Variants in ARHGEF11 observed in about 807,000 individuals in gnomAD.
ARHGEF11 encodes Rho guanine nucleotide exchange factor 11, also known as Rho guanine exchange factor (GEF) 11.
ARHGEF11 carries 55 observed loss-of-function variants against 193.7 expected under a neutral mutation model. The observed-to-expected ratio is 0.28, with a 90% CI of 0.23 to 0.36. The LOEUF is 0.36. ARHGEF11 is among the 10% of genes least tolerant of loss of function. The probability of loss-of-function intolerance (pLI) is 1.00; values close to 1 mark genes in which losing one functional copy is unlikely to be tolerated. For synonymous variants in ARHGEF11, 693 were observed against 768.0 expected (o/e 0.90, Z 1.62); for missense variants, 1,723 against 2,005.6 (o/e 0.86, Z 2.69).
At chr1:156,980,039 C>A (rs1408502235) in intron 4 of ARHGEF11, among the ~76,000 whole-genome samples, 2 of 152,264 alleles carry the variant, frequency 1.3e-5, no homozygotes, top group East Asian at 1.9e-4. Flanking sequence ...ACGACCAGGG[C>A]AGGTTATAGT....
intron 1 of ARHGEF11, among the ~76,000 whole-genome samples, chr1:157,028,976 GGTAAAAT>G (rs1670973670): frequency 6.6e-6 from 1 of 151,814 alleles, no homozygotes; most frequent in South Asian, 2.1e-4. Context: ...AGACCAGCTG[GGTAAAAT>G]GGTAAAACCC....
At position 156,936,981 on chromosome 1, in the gene ARHGEF11, G is replaced by T; in HGVS notation, c.4465C>A (p.Leu1489Met). 1.2e-6 allele frequency: 2 copies of T among 1,614,082 alleles called. No homozygotes were observed. Among genetic ancestry groups the T allele is most frequent in the Non-Finnish European group, 1.7e-6 (2 of 1,179,938 alleles). ...GACTCTCCCCCAAGGGACTTGAGCA[G>T]CTCTCTGTGGGCCAGCTCCATATCC... ...LKDMELAHRE[L>M]LKSLGGESSG... Residue 1489 changes from leucine to methionine, a missense_variant, in exon 40 of 41, where the codon CTG becomes ATG. Leu to Met is a conservative substitution (Grantham distance 15, BLOSUM62 2). Coordinates refer to ENST00000368194, the MANE Select transcript of ARHGEF11 (RefSeq NM_198236.3).
chr1:157,034,971 T>G (rs560223196), intron 1 of ARHGEF11, among the ~76,000 whole-genome samples: 24 of 152,132 alleles, frequency 1.6e-4, no homozygotes, highest in African/African-American at 5.8e-4. Flanking sequence ...CAGAGAACAC[T>G]GATATAAAGG....
Position 156,954,905 on chromosome 1 carries a change from C to A in ARHGEF11, c.1785G>T (p.Leu595Phe). 1.2e-6 allele frequency: 2 copies of A among 1,609,000 alleles called. No individual in the cohort carries two copies. Among genetic ancestry groups the A allele is most frequent in the Non-Finnish European group, 1.7e-6 (2 of 1,178,300 alleles). The change falls in exon 21 of 41, where the codon TTG becomes TTT. Residue 595 changes from leucine to phenylalanine, a missense_variant. Transcript: ENST00000368194. Reference sequence around the variant, plus strand: ...TGGTCCTTTTACCTTCCACAGGGGACAAGGGAATATGAAATGCTAAAAGAA... The same window carrying A: ...TGGTCCTTTTACCTTCCACAGGGGAAAAGGGAATATGAAATGCTAAAAGAA... ...SSSQSTFHIP[L>F]SPVEVKPGNV...
At chr1:156,950,418 C>T (rs1658900869) in intron 22 of ARHGEF11, among the ~76,000 whole-genome samples, 1 of 152,026 alleles carries the variant, frequency 6.6e-6, no homozygotes, top group African/African-American at 2.4e-5. Context: ...AGGAAGATTG[C>T]TGTGGTTGGG....
rs142192391 is a variant in ARHGEF11 at position 157,044,443 on chromosome 1, T to C, written c.-113A>G. 250 of 950,648 alleles carry C rather than the reference T, an allele frequency of 2.6e-4. 1 individual carries two copies. In the East Asian group the frequency reaches 4.0e-3, roughly 15 times the overall value. 58.9% of individuals were successfully genotyped at this position (950,648 alleles called of 1,614,324 possible). On this transcript the variant is annotated 5_prime_UTR_variant, in exon 1 of 41. Transcript: ENST00000368194. ...AGAGGAGGGCCTCCCAACTTGAAGATAGAATCCTTTCTCCTCCAGCTCTCA... is the reference window on the plus strand; with the variant it reads ...AGAGGAGGGCCTCCCAACTTGAAGACAGAATCCTTTCTCCTCCAGCTCTCA...
intron 40 of ARHGEF11, 80 bp downstream of exon 40, chr1:156,936,736 A>G: frequency 6.9e-7 from 1 of 1,458,090 alleles, no homozygotes; most frequent in Non-Finnish European, 9.3e-7. Flanking sequence ...ACCATCTCTC[A>G]CTGCTTAGTG....
chr1:156,976,839 T>A, intron 7 of ARHGEF11, 144 bp downstream of exon 7: 4 of 697,348 alleles, frequency 5.7e-6, no homozygotes, highest in Non-Finnish European at 7.3e-6. Context: ...TGACAATTCT[T>A]TAGTGGTCCG....
chr1:156,946,293 G>T, intron 28 of ARHGEF11, 131 bp from the exon 29 acceptor site: 1 of 724,088 alleles, frequency 1.4e-6, no homozygotes, highest in Non-Finnish European at 2.3e-6. Flanking sequence ...AGAAATGGCA[G>T]TGGAAGCTTC....
intron 1 of ARHGEF11, among the ~76,000 whole-genome samples, chr1:157,037,243 G>A (rs1039453322): frequency 2.0e-5 from 3 of 152,158 alleles, no homozygotes; most frequent in Non-Finnish European, 4.4e-5. Context: ...TAACCGTTCT[G>A]ATTCAGAAGC....
At chr1:157,034,346 T>G (rs956591453) in intron 1 of ARHGEF11, among the ~76,000 whole-genome samples, 1 of 152,032 alleles carries the variant, frequency 6.6e-6, no homozygotes, top group African/African-American at 2.4e-5. Flanking sequence ...AATGGCAGGG[T>G]AGGCCTTGTG....
intron 6 of ARHGEF11, 81 bp downstream of exon 6, chr1:156,978,123 G>A: frequency 6.4e-7 from 1 of 1,573,256 alleles, no homozygotes; most frequent in Non-Finnish European, 8.6e-7. Context: ...AGCCCCACTG[G>A]ATTTAACTTG....
At chr1:156,955,865 T>G in intron 19 of ARHGEF11, 66 bp from the exon 20 acceptor site, 1 of 1,221,808 alleles carries the variant, frequency 8.2e-7, no homozygotes, top group Non-Finnish European at 1.2e-6. Context: ...TGCTAATCAA[T>G]TCTGCCACTG....
Position 156,939,759 on chromosome 1 carries a change from T to C in ARHGEF11, c.3885A>G (p.Gln1295=), listed in dbSNP as rs1314145801. ...SHPWDPGSPG[Q]APPGGEGDNT... Reference sequence around the variant, plus strand: ...TGTCCCCTTCACCCCCAGGGGGTGCTTGCCCTGGGGAGCCTGGGTCCCAGG... The same window carrying C: ...TGTCCCCTTCACCCCCAGGGGGTGCCTGCCCTGGGGAGCCTGGGTCCCAGG... The change falls in exon 37 of 41, where the codon CAA becomes CAG. Residue 1295 remains glutamine, a synonymous_variant. Coordinates refer to ENST00000368194, the MANE Select transcript of ARHGEF11 (RefSeq NM_198236.3). 1 of 1,613,772 alleles carries C rather than the reference T, an allele frequency of 6.2e-7. No individual in the cohort carries two copies. The highest frequency in any genetic ancestry group is 8.5e-7 in the Non-Finnish European group (1 of 1,179,918).
intron 1 of ARHGEF11, among the ~76,000 whole-genome samples, chr1:157,026,244 T>C (rs563111709): frequency 4.6e-5 from 7 of 152,350 alleles, no homozygotes; most frequent in African/African-American, 1.7e-4. Context: ...TGGGAGATTC[T>C]TTTCTCTACC....
chr1:156,961,551 C>T, intron 14 of ARHGEF11, 126 bp downstream of exon 14: 2 of 772,138 alleles, frequency 2.6e-6, no homozygotes, highest in Non-Finnish European at 4.3e-6. Context: ...GAATATTAAT[C>T]TCTCAGCCTA....
At chr1:157,036,466 C>T (rs546812714) in intron 1 of ARHGEF11, among the ~76,000 whole-genome samples, 3 of 151,862 alleles carry the variant, frequency 2.0e-5, no homozygotes, top group Admixed American at 6.6e-5. Flanking sequence ...GGACTACAGG[C>T]GTGCACCAAC....
chr1:156,963,917 C>A (rs1403912842), intron 11 of ARHGEF11: 2 of 251,108 alleles, frequency 8.0e-6, no homozygotes, highest in East Asian at 3.6e-4. Context: ...AAATAAGAGC[C>A]AACAGCTCCT....
At chr1:157,036,218 T>G (rs1672028644) in intron 1 of ARHGEF11, among the ~76,000 whole-genome samples, 1 of 147,356 alleles carries the variant, frequency 6.8e-6, no homozygotes, top group African/African-American at 2.5e-5. Context: ...TATATATATA[T>G]GGCTGATTAA....
Sources: allele counts gnomAD v4.1 joint callset (sites outside exome capture counted in the v4.1 genomes callset), GRCh38; gene constraint gnomAD v4.1.1; transcripts MANE v1.5; gene names NCBI Gene and HGNC (gene_info 2026-07-23, HGNC 2026-07-21).